Variants in SLC6A16 observed in about 807,000 individuals in gnomAD.
The protein encoded by SLC6A16 is solute carrier family 6 member 16, also known as orphan sodium- and chloride-dependent neurotransmitter transporter NTT5.
A neutral mutation model predicts 65.4 loss-of-function variants in SLC6A16; 54 were observed. The observed-to-expected ratio is 0.83, with a 90% CI of 0.66 to 1.04. The LOEUF (loss-of-function observed/expected upper bound fraction) is 1.04, where lower values mean the gene tolerates loss of function less well. SLC6A16 is among the 50% of genes least tolerant of loss of function. SLC6A16 has a pLI of 0.00. For missense variants in SLC6A16, 816 were observed against 914.0 expected (o/e 0.89, Z 1.38); for synonymous variants, 330 against 346.5 (o/e 0.95, Z 0.53).
the SLC6A16 span, chr19:49,339,316 C>T: frequency 6.2e-7 from 1 of 1,611,704 alleles, no homozygotes. The surrounding 1 kb of genome is among the most constrained non-coding windows in gnomAD (Gnocchi z 4.5). Flanking sequence ...TTAACTTTTC[C>T]CTACACCCCC....
In SLC6A16 at chr19:49,306,860, A is replaced by G. The variant is rs970431834; in HGVS notation, c.1229+2016T>C. On this transcript the variant is annotated intron_variant, in intron 7 of 11. Coordinates refer to ENST00000335875, the MANE Select transcript of SLC6A16 (RefSeq NM_014037.3). ...CCCGGCTTGTTTTTCTTTACATTTG[A>G]TCATCTATGTATGCGTATCTACTAA... Among the ~76,000 whole-genome samples, 5 of 151,448 alleles carry G rather than the reference A, an allele frequency of 3.3e-5. No individual in the cohort carries two copies. The South Asian group carries it at 6.3e-4, about 19-fold the overall frequency.
At position 49,293,912 on chromosome 19, in the gene SLC6A16, G is replaced by A. The variant is rs1434905399; in HGVS notation, c.1533C>T (p.Ser511=). Residue 511 remains serine (S), a synonymous_variant, in exon 9 of 12, where the codon AGC becomes AGT. Coordinates refer to ENST00000335875, the MANE Select transcript of SLC6A16 (RefSeq NM_014037.3). ...TGCCCTGCATAATCCCTATTGCGCTGCTCAGCCCCATGGCCAGCAACATCA... is the reference window on the plus strand; with the variant it reads ...TGCCCTGCATAATCCCTATTGCGCTACTCAGCCCCATGGCCAGCAACATCA... ...FFLMLLAMGL[S]SAIGIMQGII... is the part of the protein sequence containing the mutation. 4 of 1,613,868 alleles carry A rather than the reference G, an allele frequency of 2.5e-6. No individual in the cohort carries two copies. The Admixed American group carries it at 5.0e-5, about 20-fold the overall frequency.
At chr19:49,320,367 C>T (rs1970689391) in intron 1 of SLC6A16, among the ~76,000 whole-genome samples, 1 of 151,446 alleles carries the variant, frequency 6.6e-6, no homozygotes, top group East Asian at 1.9e-4. Flanking sequence ...GAGATCACAC[C>T]ACTGCACTCC....
chr19:49,327,335 G>A (rs186135367), upstream of SLC6A16, among the ~76,000 whole-genome samples: 1,074 of 152,202 alleles, frequency 7.1e-3, 10 homozygotes, highest in Non-Finnish European at 8.5e-3. Context: ...TGATCCGCCC[G>A]CCTCAGCCTC....
chr19:49,339,300 A>T, the SLC6A16 span: 1 of 1,595,812 alleles, frequency 6.3e-7, no homozygotes, highest in South Asian at 1.1e-5. The surrounding 1 kb of genome is among the most constrained non-coding windows in gnomAD (Gnocchi z 4.5). Context: ...CCCAGAAAGA[A>T]TCCCTTTAAC....
At chr19:49,321,944 T>C (rs1364030988) in intron 1 of SLC6A16, among the ~76,000 whole-genome samples, 1 of 145,726 alleles carries the variant, frequency 6.9e-6, no homozygotes, top group Non-Finnish European at 1.5e-5. Context: ...AAAAGGAAAA[T>C]ATCCCAACAT....
intron 7 of SLC6A16, among the ~76,000 whole-genome samples, chr19:49,306,534 GTTTTTTTTTTTTCTTTTTT>G (rs982017597): frequency 1.5e-5 from 2 of 133,426 alleles, no homozygotes; most frequent in African/African-American, 5.6e-5. Flanking sequence ...TTAGTTCTTT[GTTTTTTTTTTTTCTTTTTT>G]TTTTTTTTGA....
intron 7 of SLC6A16, among the ~76,000 whole-genome samples, chr19:49,307,777 G>A (rs1201038393): frequency 6.6e-6 from 1 of 150,620 alleles, no homozygotes; most frequent in Non-Finnish European, 1.5e-5. Flanking sequence ...ATTACTGGGA[G>A]AAATTCAACT....
chr19:49,335,621 C>A, the SLC6A16 span: 2 of 1,613,120 alleles, frequency 1.2e-6, no homozygotes, highest in Non-Finnish European at 1.7e-6. This position sits in a 1 kb window ranked among gnomAD's most constrained non-coding sequence, Gnocchi z 4.6. Flanking sequence ...TGAGTTGCCT[C>A]ATGGCTACCC....
At chr19:49,297,367 C>T (rs890775982) in intron 7 of SLC6A16, among the ~76,000 whole-genome samples, 1 of 152,130 alleles carries the variant, frequency 6.6e-6, no homozygotes, top group Admixed American at 6.5e-5. Context: ...ATTAAAATCA[C>T]AATGGCATAC....
At position 49,311,370 on chromosome 19, in the gene SLC6A16, G is replaced by T; in HGVS notation, c.-23C>A. On this transcript the variant is annotated 5_prime_UTR_variant, in exon 2 of 12. In the 5' UTR this introduces an upstream ATG that the reference lacks. Transcript: ENST00000335875. Reference sequence around the variant, plus strand: ...CATCTCACACAGACTCTCTGGGGCAGCTCCCGCTTCTGCAAGGGAGGGTTC... The same window carrying T: ...CATCTCACACAGACTCTCTGGGGCATCTCCCGCTTCTGCAAGGGAGGGTTC... 6.5e-7 allele frequency: 1 copy of T among 1,531,812 alleles called. No homozygotes were observed. Among genetic ancestry groups the T allele is most frequent in the Non-Finnish European group, 8.8e-7 (1 of 1,140,830 alleles). The allele number at this position is 1,531,812 out of a possible 1,614,324, so 94.9% of individuals were successfully genotyped here. A position where few individuals can be genotyped will look rare whatever the true frequency, so the allele number is the denominator to read the frequency against.
intron 10 of SLC6A16, 85 bp downstream of exon 10, chr19:49,293,138 G>T: frequency 8.1e-7 from 1 of 1,241,548 alleles, no homozygotes; most frequent in Non-Finnish European, 1.1e-6. Flanking sequence ...GTCACACTAG[G>T]TGGGTTGACA....
At chr19:49,324,199 C>T (rs1396529921) in intron 1 of SLC6A16, among the ~76,000 whole-genome samples, 8 of 151,912 alleles carry the variant, frequency 5.3e-5, no homozygotes, top group Non-Finnish European at 8.8e-5. Context: ...GGGGTGGTGG[C>T]GCACGCCTAT....
intron 1 of SLC6A16, among the ~76,000 whole-genome samples, chr19:49,315,596 A>G (rs1052458867): frequency 3.3e-5 from 5 of 152,194 alleles, no homozygotes; most frequent in Non-Finnish European, 7.3e-5. Context: ...CGTGGTAACT[A>G]CAAAGCAAAA....
At chr19:49,334,399 T>G in the SLC6A16 span, among the ~76,000 whole-genome samples, 1 of 151,738 alleles carries the variant, frequency 6.6e-6, no homozygotes, top group African/African-American at 2.4e-5. Context: ...GGTGCAAGGA[T>G]TGCTCGAGCC....
the SLC6A16 span, among the ~76,000 whole-genome samples, chr19:49,339,173 T>G: frequency 6.6e-6 from 1 of 151,480 alleles, no homozygotes; most frequent in African/African-American, 2.4e-5. This position sits in a 1 kb window ranked among gnomAD's most constrained non-coding sequence, Gnocchi z 4.5. Context: ...TTGGAAAAGG[T>G]GAAGCGAGGG....
At chr19:49,293,628 G>T (rs747386814) in intron 9 of SLC6A16, among the ~76,000 whole-genome samples, 199 bp downstream of exon 9, 2 of 152,152 alleles carry the variant, frequency 1.3e-5, no homozygotes, top group Non-Finnish European at 2.9e-5. Context: ...GCCGGGCGTG[G>T]TGATGCACGC....
intron 7 of SLC6A16, among the ~76,000 whole-genome samples, chr19:49,300,024 G>C (rs1041514102): frequency 6.8e-6 from 1 of 147,214 alleles, no homozygotes; most frequent in African/African-American, 2.5e-5. Flanking sequence ...AAAAAAGAGA[G>C]TAATTTAAAG....
Position 49,299,062 on chromosome 19 carries a change from G to A in SLC6A16, c.1230-4509C>T, listed in dbSNP as rs371800387. Reference sequence around the variant, plus strand: ...AGATCAAGACCATCCTGGCTAACACGGTGAAACCCCGTCTCTACTAAAAAT... The same window carrying A: ...AGATCAAGACCATCCTGGCTAACACAGTGAAACCCCGTCTCTACTAAAAAT... On this transcript the variant is annotated intron_variant, in intron 7 of 11. Coordinates refer to ENST00000335875, the MANE Select transcript of SLC6A16 (RefSeq NM_014037.3). Among the ~76,000 whole-genome samples the A allele has an allele frequency of 2.3e-4, 35 of 151,862 alleles. 1 individual carries two copies. Among genetic ancestry groups the A allele is most frequent in the Admixed American group, 9.8e-4 (15 of 15,254 alleles).
Sources: gnomAD v4.1 joint callset for allele counts (sites outside exome capture counted in the v4.1 genomes callset) on GRCh38, gnomAD v4.1.1 for gene constraint, Gnocchi (gnomAD v3.1) non-coding constraint, MANE v1.5 for transcripts, NCBI Gene and HGNC (gene_info 2026-07-23, HGNC 2026-07-21) for gene names.